PDE1A: variants seen among roughly 807,000 people sequenced by gnomAD.
PDE1A encodes the protein phosphodiesterase 1A, also known as dual specificity calcium/calmodulin-dependent 3',5'-cyclic nucleotide phosphodiesterase 1A.
PDE1A carries 35 observed loss-of-function variants against 61.7 expected under a neutral mutation model. The ratio of observed to expected loss-of-function variants is 0.57; its 90% CI spans 0.43 to 0.75. The LOEUF is 0.75. Among genes scored for constraint, PDE1A ranks in the 30% least tolerant of loss-of-function variants. PDE1A has a pLI of 0.00. For synonymous variants in PDE1A, 232 were observed against 213.2 expected (o/e 1.09, Z -0.77); for missense variants, 597 against 630.6 (o/e 0.95, Z 0.57).
chr2:182,169,070 A>T (rs1165908245), intron 13 of PDE1A, among the ~76,000 whole-genome samples: 1 of 152,076 alleles, frequency 6.6e-6, no homozygotes, highest in East Asian at 1.9e-4. Context: ...TTTAATATAA[A>T]TATCATAAAT....
At chr2:182,685,140 G>GAA in the PDE1A span, among the ~76,000 whole-genome samples, 1 of 150,946 alleles carries the variant, frequency 6.6e-6, no homozygotes, top group African/African-American at 2.4e-5. Flanking sequence ...GAGAGAGAGA[G>GAA]AACAGATAGA....
chr2:182,185,985 A>G (rs1406055442), exon 13 of PDE1A: 1 of 1,613,926 alleles, frequency 6.2e-7, no homozygotes, highest in Admixed American at 1.7e-5. Flanking sequence ...GCTGCAAGGG[A>G]GTAGTCTGGG....
upstream of PDE1A, among the ~76,000 whole-genome samples, chr2:182,429,101 T>A (rs1703788755): frequency 6.6e-6 from 1 of 152,128 alleles, no homozygotes; most frequent in Admixed American, 6.6e-5. Context: ...AAGTTTAGAT[T>A]CACTTTATGG....
the PDE1A span, among the ~76,000 whole-genome samples, chr2:182,580,479 G>A: frequency 4.6e-5 from 7 of 152,060 alleles, no homozygotes; most frequent in African/African-American, 1.7e-4. Context: ...GTGCCCACCT[G>A]CTCACTTCAT....
rs79098223 is a variant in PDE1A, at chr2:182,406,929, G to A, written c.53+19649C>T. The stretch of plus-strand genomic sequence containing the variant: ...ATACTATCTCAGTTTGTTTTTAATT[G>A]TAAATCCTGCATATTTTTCAATGAT... On this transcript the variant is annotated intron_variant, in intron 1 of 13. Transcript: ENST00000351439. Among the ~76,000 whole-genome samples, 1,479 of 151,972 alleles carry A rather than the reference G, an allele frequency of 9.7e-3. 24 individuals carry two copies. The highest frequency in any genetic ancestry group is 0.034 in the African/African-American group (1,395 of 41,454).
chr2:182,480,973 G>A (rs886319604), intron 2 of PDE1A, among the ~76,000 whole-genome samples: 1 of 151,852 alleles, frequency 6.6e-6, no homozygotes, highest in Non-Finnish European at 1.5e-5. Flanking sequence ...AGGTTCCAAG[G>A]ATCTGGTGCT....
intron 2 of PDE1A, among the ~76,000 whole-genome samples, chr2:182,439,018 G>T (rs1684620862): frequency 6.6e-6 from 1 of 151,966 alleles, no homozygotes; most frequent in Non-Finnish European, 1.5e-5. Flanking sequence ...GTATTCAAGA[G>T]ATATTAACTG....
At chr2:182,322,766 A>G (rs1696779612) in intron 1 of PDE1A, among the ~76,000 whole-genome samples, 1 of 152,228 alleles carries the variant, frequency 6.6e-6, no homozygotes, top group Non-Finnish European at 1.5e-5. Flanking sequence ...AAGAATTTGT[A>G]GAACACTCCA....
downstream of PDE1A, among the ~76,000 whole-genome samples, chr2:182,144,564 G>A (rs1164769846): frequency 6.6e-6 from 1 of 152,140 alleles, no homozygotes; most frequent in Non-Finnish European, 1.5e-5. Context: ...GATTTAATTA[G>A]AGCTCAATAT....
At chr2:182,459,846 T>C (rs1686162065) in intron 2 of PDE1A, among the ~76,000 whole-genome samples, 1 of 152,170 alleles carries the variant, frequency 6.6e-6, no homozygotes, top group African/African-American at 2.4e-5. Flanking sequence ...ACGCTGAGAT[T>C]CTAGAGAATA....
intron 1 of PDE1A, among the ~76,000 whole-genome samples, chr2:182,325,996 A>G (rs150338618): frequency 2.4e-3 from 369 of 152,328 alleles, no homozygotes; most frequent in African/African-American, 8.5e-3. Flanking sequence ...ACATTTCTCC[A>G]AAGCTATATA....
At chr2:182,456,292 T>C (rs1685916156) in intron 2 of PDE1A, among the ~76,000 whole-genome samples, 1 of 152,032 alleles carries the variant, frequency 6.6e-6, no homozygotes, top group Non-Finnish European at 1.5e-5. Context: ...GTGGTGGTGC[T>C]AGGGGCAGCA....
At chr2:182,453,299 T>G (rs1685650752) in intron 2 of PDE1A, among the ~76,000 whole-genome samples, 1 of 152,050 alleles carries the variant, frequency 6.6e-6, no homozygotes, top group Non-Finnish European at 1.5e-5. Flanking sequence ...AAAAGCTTTT[T>G]GGGATACCAC....
intron 1 of PDE1A, among the ~76,000 whole-genome samples, chr2:182,414,761 C>A (rs1158318942): frequency 6.6e-6 from 1 of 152,088 alleles, no homozygotes; most frequent in Non-Finnish European, 1.5e-5. Flanking sequence ...TAAATTCCAA[C>A]TGAGCTAGTA....
chr2:182,603,504 C>G, the PDE1A span, among the ~76,000 whole-genome samples: 5 of 152,272 alleles, frequency 3.3e-5, no homozygotes, highest in Admixed American at 3.3e-4. Context: ...CCTGCCACCA[C>G]ACCCCAGCTA....
chr2:182,632,773 A>T, the PDE1A span, among the ~76,000 whole-genome samples: 2 of 152,208 alleles, frequency 1.3e-5, no homozygotes, highest in African/African-American at 4.8e-5. Context: ...ACACAAGTTT[A>T]CTTAGCCCCC....
In PDE1A at chr2:182,150,171, C is replaced by T. The variant is rs111857009; in HGVS notation, c.1517-3019G>A. On this transcript the variant is annotated intron_variant, in intron 13 of 13. Coordinates refer to the PDE1A transcript ENST00000409365. ...GACAAAAATACCATAAATGTTGATG[C>T]GTATTCTTTCCTACAAATGAGGAGA... Among the ~76,000 whole-genome samples, 1,468 of 152,136 alleles carry T rather than the reference C, an allele frequency of 9.6e-3. 12 individuals are homozygous for T. Among genetic ancestry groups the T allele is most frequent in the Middle Eastern group, 0.024 (7 of 294 alleles).
At chr2:182,278,726 C>A (rs1487338351) in intron 1 of PDE1A, among the ~76,000 whole-genome samples, 1 of 151,920 alleles carries the variant, frequency 6.6e-6, no homozygotes, top group Non-Finnish European at 1.5e-5. Context: ...GTTTGACATT[C>A]CAGAAGGAGC....
chr2:182,410,683 T>C (rs1702560529), intron 1 of PDE1A, among the ~76,000 whole-genome samples: 1 of 152,230 alleles, frequency 6.6e-6, no homozygotes, highest in African/African-American at 2.4e-5. Context: ...ATTAGCAATG[T>C]AGAATAATAA....
Sources: gnomAD v4.1 joint callset for allele counts (sites outside exome capture counted in the v4.1 genomes callset) on GRCh38, gnomAD v4.1.1 for gene constraint, MANE v1.5 for transcripts, NCBI Gene and HGNC (gene_info 2026-07-23, HGNC 2026-07-21) for gene names.